The following GRIK3 variants were observed in gnomAD, a reference collection of about 807,000 sequenced individuals.
GRIK3 encodes glutamate ionotropic receptor kainate type subunit 3, also known as glutamate receptor ionotropic, kainate 3.
A neutral mutation model predicts 102.5 loss-of-function variants in GRIK3; 29 were observed. That is an observed-to-expected ratio of 0.28 (90% CI 0.21 to 0.39). The LOEUF is 0.39. Among genes scored for constraint, GRIK3 ranks in the 10% least tolerant of loss-of-function variants. The pLI, the probability that GRIK3 is intolerant of heterozygous loss-of-function variation, is 1.00. For missense variants in GRIK3, 908 were observed against 1,252.4 expected, an observed-to-expected ratio of 0.73 and a Z score of 4.15; for synonymous variants, 511 against 504.9, an observed-to-expected ratio of 1.01 and a Z score of -0.16.
intron 13 of GRIK3, among the ~76,000 whole-genome samples, chr1:36,814,508 G>C: frequency 8.5e-6 from 1 of 118,062 alleles, no homozygotes; most frequent in East Asian, 2.8e-4. Flanking sequence ...CACATACATA[G>C]ACCCCCCCCC....
intron 1 of GRIK3, among the ~76,000 whole-genome samples, chr1:36,944,216 G>A (rs1328013960): frequency 6.6e-6 from 1 of 152,248 alleles, no homozygotes; most frequent in Non-Finnish European, 1.5e-5. Flanking sequence ...GAGGAGAGGA[G>A]AGAGGAGAAC....
At chr1:36,909,001 C>G (rs1641315965) in intron 1 of GRIK3, among the ~76,000 whole-genome samples, 2 of 152,146 alleles carry the variant, frequency 1.3e-5, no homozygotes, top group Admixed American at 6.5e-5. Flanking sequence ...CTACATTTAA[C>G]ACTCATGAGA....
intron 1 of GRIK3, among the ~76,000 whole-genome samples, chr1:37,004,060 A>G (rs1642506558): frequency 3.3e-5 from 5 of 152,088 alleles, no homozygotes; most frequent in Admixed American, 3.3e-4. Context: ...CACCCCTCTT[A>G]GACACACGGA....
intron 10 of GRIK3, among the ~76,000 whole-genome samples, chr1:36,826,843 A>AT (rs1040640635): frequency 4.6e-5 from 7 of 152,200 alleles, no homozygotes; most frequent in African/African-American, 1.7e-4. Flanking sequence ...TTAAAGTTCA[A>AT]TTTTTTGGTC....
At chr1:37,032,010 G>A (rs1642833162) in intron 1 of GRIK3, among the ~76,000 whole-genome samples, 1 of 152,180 alleles carries the variant, frequency 6.6e-6, no homozygotes. Context: ...CAGGGCTCTT[G>A]GATATAAATG....
intron 10 of GRIK3, among the ~76,000 whole-genome samples, chr1:36,839,740 A>G (rs921432708): frequency 3.9e-5 from 6 of 152,178 alleles, no homozygotes; most frequent in Non-Finnish European, 8.8e-5. Context: ...GAAGAGTTTG[A>G]ATCAAACTGA....
intron 1 of GRIK3, among the ~76,000 whole-genome samples, chr1:36,979,313 G>T (rs901714765): frequency 6.6e-6 from 1 of 152,218 alleles, no homozygotes; most frequent in East Asian, 1.9e-4. Context: ...AACAGGCCAG[G>T]TCTTACCTGT....
intron 10 of GRIK3, among the ~76,000 whole-genome samples, chr1:36,826,839 T>A (rs1642760064): frequency 6.6e-6 from 1 of 152,078 alleles, no homozygotes. Context: ...AGAATTAAAG[T>A]TCAATTTTTT....
intron 3 of GRIK3, among the ~76,000 whole-genome samples, chr1:36,876,185 T>A (rs1006427146): frequency 6.6e-6 from 1 of 152,140 alleles, no homozygotes; most frequent in Non-Finnish European, 1.5e-5. Flanking sequence ...AGCAAGACTC[T>A]GACTCTATAA....
At chr1:36,811,589 A>G (rs1174820043) in intron 13 of GRIK3, among the ~76,000 whole-genome samples, 2 of 152,164 alleles carry the variant, frequency 1.3e-5, no homozygotes, top group African/African-American at 2.4e-5. Flanking sequence ...GAATTATCAC[A>G]TTTAATCATC....
chr1:37,014,138 C>A (rs920847064), intron 1 of GRIK3, among the ~76,000 whole-genome samples: 1 of 152,248 alleles, frequency 6.6e-6, no homozygotes, highest in African/African-American at 2.4e-5. Flanking sequence ...CATAGCATGG[C>A]CTTCCAATTG....
intron 1 of GRIK3, among the ~76,000 whole-genome samples, chr1:36,987,325 G>A (rs1284427913): frequency 6.6e-6 from 1 of 152,118 alleles, no homozygotes; most frequent in Non-Finnish European, 1.5e-5. Flanking sequence ...GCTCAGCAGA[G>A]CTCCCCAGGC....
At chr1:36,857,815 C>T (rs772328704) in intron 7 of GRIK3, among the ~76,000 whole-genome samples, 1 of 152,176 alleles carries the variant, frequency 6.6e-6, no homozygotes, top group Non-Finnish European at 1.5e-5. Context: ...TGTTTGCTCT[C>T]GTAGAGCTGC....
intron 1 of GRIK3, among the ~76,000 whole-genome samples, chr1:36,927,849 G>T (rs1641544812): frequency 6.6e-6 from 1 of 152,088 alleles, no homozygotes; most frequent in Non-Finnish European, 1.5e-5. Flanking sequence ...CAGGGGGAGA[G>T]ATAATTGGAG....
At chr1:36,919,009 T>A (rs1366843676) in intron 1 of GRIK3, among the ~76,000 whole-genome samples, 1 of 152,220 alleles carries the variant, frequency 6.6e-6, no homozygotes, top group Non-Finnish European at 1.5e-5. Flanking sequence ...AACCTTGCTT[T>A]GATAAAAGCT....
rs529700964 is a variant in GRIK3, at chr1:36,915,773, C to G, written c.116-24677G>C. Among the ~76,000 whole-genome samples, 3 of 152,240 alleles carry G rather than the reference C, an allele frequency of 2.0e-5. No homozygotes were observed. In the East Asian group the frequency reaches 5.8e-4, roughly 29 times the overall value. ...TCACCTTCCATCATGATTGTGAGGG[C>G]TCCCAGCCACATGGAACTGTAAGTG... is the stretch of plus-strand genomic sequence containing the variant. On this transcript the variant is annotated intron_variant, in intron 1 of 15. Transcript: ENST00000373091.
At chr1:36,863,266 C>T (rs1007513849) in intron 5 of GRIK3, among the ~76,000 whole-genome samples, 5 of 152,126 alleles carry the variant, frequency 3.3e-5, no homozygotes, top group Non-Finnish European at 4.4e-5. Context: ...AGAGGCTCTA[C>T]CTGCCCAGCC....
intron 7 of GRIK3, among the ~76,000 whole-genome samples, chr1:36,855,003 G>A (rs1407577419): frequency 1.3e-5 from 2 of 152,240 alleles, no homozygotes; most frequent in African/African-American, 2.4e-5. Context: ...TAGGACGGCA[G>A]CTGGTGCACA....
At chr1:37,015,793 G>T (rs1642647186) in intron 1 of GRIK3, among the ~76,000 whole-genome samples, 1 of 152,246 alleles carries the variant, frequency 6.6e-6, no homozygotes, top group South Asian at 2.1e-4. Context: ...GCTTGTGTCT[G>T]TGTGGTTTGT....
Sources: gnomAD v4.1 joint callset for allele counts (sites outside exome capture counted in the v4.1 genomes callset) on GRCh38, gnomAD v4.1.1 for gene constraint, MANE v1.5 for transcripts, NCBI Gene and HGNC (gene_info 2026-07-23, HGNC 2026-07-21) for gene names.